G3BP2: variants seen among roughly 807,000 people sequenced by gnomAD.
G3BP2 encodes ras GTPase-activating protein-binding protein 2.
In G3BP2, 11 loss-of-function variants were observed where a neutral mutation model predicts 56.7. The ratio of observed to expected loss-of-function variants is 0.19; its 90% CI spans 0.12 to 0.32. G3BP2 has a LOEUF of 0.32. Ranked by LOEUF, G3BP2 falls within the 10% of genes least tolerant of loss-of-function variation. The probability of loss-of-function intolerance (pLI) is 1.00; values close to 1 mark genes in which losing one functional copy is unlikely to be tolerated. For synonymous variants in G3BP2, 165 were observed against 191.6 expected, an observed-to-expected ratio of 0.86 and a Z score of 1.15; for missense variants, 340 against 610.9, an observed-to-expected ratio of 0.56 and a Z score of 4.67.
intron 3 of G3BP2, among the ~76,000 whole-genome samples, chr4:75,710,807 C>T (rs770755392): frequency 6.6e-6 from 1 of 151,914 alleles, no homozygotes; most frequent in Non-Finnish European, 1.5e-5. Context: ...GCTGGAACTA[C>T]AGGTGCACAC....
At chr4:75,720,051 C>T (rs1336100591) in intron 3 of G3BP2, among the ~76,000 whole-genome samples, 1 of 38,428 alleles carries the variant, frequency 2.6e-5, no homozygotes, top group East Asian at 9.7e-4. Flanking sequence ...GGGTCTCACT[C>T]CGTCACCTGG....
intron 3 of G3BP2, among the ~76,000 whole-genome samples, chr4:75,714,258 G>A (rs1320098780): frequency 3.3e-5 from 5 of 152,338 alleles, no homozygotes; most frequent in Admixed American, 6.5e-5. Flanking sequence ...AGACACTGAA[G>A]TATTTAGGTG....
At chr4:75,680,463 C>A (rs2149065432) in intron 3 of G3BP2, among the ~76,000 whole-genome samples, 1 of 152,320 alleles carries the variant, frequency 6.6e-6, no homozygotes, top group Non-Finnish European at 1.5e-5. Flanking sequence ...TAGGATTGTT[C>A]TGAAGATTCT....
chr4:75,701,718 G>A (rs1454844726), intron 3 of G3BP2, among the ~76,000 whole-genome samples: 1 of 152,166 alleles, frequency 6.6e-6, no homozygotes, highest in African/African-American at 2.4e-5. Flanking sequence ...GTGACCTGCT[G>A]TGCCCAGCCT....
chr4:75,663,295 C>T (rs1000288885), intron 1 of G3BP2, among the ~76,000 whole-genome samples: 3 of 152,142 alleles, frequency 2.0e-5, no homozygotes, highest in African/African-American at 7.2e-5. Flanking sequence ...CTCGCTCTGT[C>T]ACCTAGGCTG....
rs1160064020 is a variant in G3BP2, at chr4:75,643,469, G to C, written c.*1961C>G. 2 of 145,262 alleles carry C rather than the reference G, an allele frequency of 1.4e-5. No individual in the cohort carries two copies. The highest frequency in any genetic ancestry group is 2.6e-5 in the African/African-American group (1 of 38,900). 9.0% of individuals were successfully genotyped at this position (145,262 alleles called of 1,614,324 possible). A position where few individuals can be genotyped will look rare whatever the true frequency, so the allele number is the denominator to read the frequency against. On this transcript the variant is annotated 3_prime_UTR_variant, in exon 12 of 12. Coordinates refer to ENST00000359707, the MANE Select transcript of G3BP2 (RefSeq NM_203505.3). ...GTACTATATCAGAAAGTATAAAACT[G>C]TTTCAAACAGAAAAAAAAAAAATCC...
intron 3 of G3BP2, among the ~76,000 whole-genome samples, chr4:75,681,471 T>C (rs773271006): frequency 6.6e-6 from 1 of 152,172 alleles, no homozygotes; most frequent in African/African-American, 2.4e-5. Context: ...ATATATACTA[T>C]GTTTTTTCCT....
intron 3 of G3BP2, among the ~76,000 whole-genome samples, chr4:75,718,661 A>G (rs1720023586): frequency 6.6e-6 from 1 of 152,154 alleles, no homozygotes; most frequent in Admixed American, 6.6e-5. Flanking sequence ...CTTGCTTTAG[A>G]GGTGGGAATG....
At chr4:75,702,722 C>T (rs1327914559) in intron 3 of G3BP2, among the ~76,000 whole-genome samples, 1 of 152,158 alleles carries the variant, frequency 6.6e-6, no homozygotes, top group East Asian at 1.9e-4. Context: ...CCTATGCCAT[C>T]AACCCTGGAA....
chr4:75,647,790 T>C (rs898979699), intron 9 of G3BP2, among the ~76,000 whole-genome samples: 11 of 152,368 alleles, frequency 7.2e-5, no homozygotes, highest in Admixed American at 2.0e-4. Context: ...TTAGGACTTC[T>C]AGTTTGGTAA....
chr4:75,643,316 T>TATATATATATATATATATATATAA lies in G3BP2; in HGVS notation c.*2113_*2114insTTATATATATATATATATATATAT. ...GAAATTATATATATATATATATATA[T>TATATATATATATATATATATATAA]GGAAACAGAAATACAAGAAAATATG... is the stretch of plus-strand genomic sequence containing the variant. On this transcript the variant is annotated 3_prime_UTR_variant, in exon 12 of 12. Transcript: ENST00000359707. 1 of 135,040 alleles carries TATATATATATATATATATATATAA rather than the reference T, an allele frequency of 7.4e-6. No homozygotes were observed. Among genetic ancestry groups the TATATATATATATATATATATATAA allele is most frequent in the Admixed American group, 7.4e-5 (1 of 13,510 alleles). The allele number at this position is 135,040 out of a possible 1,614,324, so 8.4% of individuals were successfully genotyped here. A position where few individuals can be genotyped will look rare whatever the true frequency, so the allele number is the denominator to read the frequency against.
At chr4:75,702,059 T>C (rs1203283652) in intron 3 of G3BP2, among the ~76,000 whole-genome samples, 1 of 152,092 alleles carries the variant, frequency 6.6e-6, no homozygotes, top group Non-Finnish European at 1.5e-5. Context: ...TAAACAGATA[T>C]TGTCACAGAA....
intron 1 of G3BP2, among the ~76,000 whole-genome samples, chr4:75,664,260 C>A (rs1199902080): frequency 6.6e-6 from 1 of 151,528 alleles, no homozygotes; most frequent in African/African-American, 2.4e-5. Context: ...CATGTATCTA[C>A]TGGGTAAATC....
At chr4:75,651,838 C>T (rs1334522950) in intron 8 of G3BP2, among the ~76,000 whole-genome samples, 3 of 152,166 alleles carry the variant, frequency 2.0e-5, no homozygotes, top group Non-Finnish European at 4.4e-5. Flanking sequence ...TTCAATTAAA[C>T]ATAAGCTTTG....
At chr4:75,706,195 C>T (rs1188690899) in intron 3 of G3BP2, among the ~76,000 whole-genome samples, 4 of 152,140 alleles carry the variant, frequency 2.6e-5, no homozygotes, top group Non-Finnish European at 4.4e-5. Flanking sequence ...TACACTTGAA[C>T]TTCAGCTATT....
intron 3 of G3BP2, 31 bp downstream of exon 3, chr4:75,658,812 T>C: frequency 1.4e-6 from 2 of 1,383,298 alleles, no homozygotes; most frequent in Non-Finnish European, 2.1e-6. Flanking sequence ...TAACACAAAA[T>C]TTCTAAACTA....
Position 75,643,597 on chromosome 4 carries a change from A to G in G3BP2, c.*1833T>C, listed in dbSNP as rs760514499. The G allele has an allele frequency of 3.3e-5, 5 of 152,402 alleles. No individual in the cohort carries two copies. The highest frequency in any genetic ancestry group is 1.2e-4 in the African/African-American group (5 of 41,388). The allele number at this position is 152,402 out of a possible 1,614,324, so 9.4% of individuals were successfully genotyped here. ...CATGGAAGACCTCATTCAAAGGGGG[A>G]AAAAGGGACAGATTTTACTCATATT... On this transcript the variant is annotated 3_prime_UTR_variant, in exon 12 of 12. Coordinates refer to ENST00000359707, the MANE Select transcript of G3BP2 (RefSeq NM_203505.3).
upstream of G3BP2, among the ~76,000 whole-genome samples, chr4:75,674,718 A>ATATATATATATATTTT (rs1241041465): frequency 2.8e-5 from 2 of 71,424 alleles, no homozygotes; most frequent in African/African-American, 1.2e-4. Context: ...ATATATATAT[A>ATATATATATATATTTT]TTTTTTTTTT....
At chr4:75,693,233 G>T (rs187074625) in intron 3 of G3BP2, among the ~76,000 whole-genome samples, 1 of 152,102 alleles carries the variant, frequency 6.6e-6, no homozygotes, top group Admixed American at 6.5e-5. Flanking sequence ...GACACAGTGC[G>T]ACTCCCTCTC....
Sources: allele counts gnomAD v4.1 joint callset (sites outside exome capture counted in the v4.1 genomes callset), GRCh38; gene constraint gnomAD v4.1.1; transcripts MANE v1.5; gene names NCBI Gene and HGNC (gene_info 2026-07-23, HGNC 2026-07-21).